Variants in CCSER1 observed in about 807,000 individuals in gnomAD.
CCSER1 encodes the protein serine-rich coiled-coil domain-containing protein 1.
Under a neutral mutation model 82.0 loss-of-function variants are expected in CCSER1, and 41 were observed. That is an observed-to-expected ratio of 0.50 (90% confidence interval 0.39 to 0.65). The LOEUF (loss-of-function observed/expected upper bound fraction) is 0.65, where lower values mean the gene tolerates loss of function less well. Among genes scored for constraint, CCSER1 ranks in the 30% least tolerant of loss-of-function variants. The pLI, the probability that CCSER1 is intolerant of heterozygous loss-of-function variation, is 0.00. For missense variants in CCSER1, 1,119 were observed against 1,064.2 expected (o/e 1.05, Z -0.72); for synonymous variants, 414 against 383.9 (o/e 1.08, Z -0.92).
intron 3 of CCSER1, among the ~76,000 whole-genome samples, chr4:90,352,379 A>G (rs767225669): frequency 2.0e-5 from 3 of 151,884 alleles, no homozygotes; most frequent in Non-Finnish European, 4.4e-5. Flanking sequence ...AAATACAGAG[A>G]TTGGCCAGGC....
intron 8 of CCSER1, among the ~76,000 whole-genome samples, chr4:90,913,040 T>G (rs905113487): frequency 6.6e-6 from 1 of 152,016 alleles, no homozygotes; most frequent in African/African-American, 2.4e-5. Flanking sequence ...ACGGGGAGAA[T>G]GGAACCAAGT....
intron 8 of CCSER1, among the ~76,000 whole-genome samples, chr4:90,844,233 AAG>A: frequency 6.6e-6 from 1 of 151,566 alleles, no homozygotes; most frequent in Admixed American, 6.7e-5. Flanking sequence ...GAGAGAGAGA[AAG>A]AGAGGAAGAC....
At chr4:91,080,867 G>A (rs2148799742) in intron 9 of CCSER1, among the ~76,000 whole-genome samples, 2 of 152,108 alleles carry the variant, frequency 1.3e-5, no homozygotes, top group South Asian at 4.1e-4. Flanking sequence ...ACTAAAGCAG[G>A]AAGAAGTTGA....
intron 9 of CCSER1, among the ~76,000 whole-genome samples, chr4:91,020,554 C>G (rs1053330918): frequency 6.6e-6 from 1 of 151,682 alleles, no homozygotes; most frequent in African/African-American, 2.4e-5. Context: ...CCCAGTTACT[C>G]GGGAGGCTGA....
intron 9 of CCSER1, among the ~76,000 whole-genome samples, chr4:90,978,801 T>C (rs1735842346): frequency 6.6e-6 from 1 of 151,798 alleles, no homozygotes; most frequent in East Asian, 1.9e-4. Flanking sequence ...GAATTGTTTA[T>C]GTGATAGTCT....
In CCSER1 at chr4:91,216,421, G is replaced by A. The variant is rs147988115; in HGVS notation, c.2217+130427G>A. Among the ~76,000 whole-genome samples the A allele has an allele frequency of 2.8e-3, 429 of 152,196 alleles. 7 individuals carry two copies. The highest frequency in any genetic ancestry group is 0.027 in the East Asian group (139 of 5,142). On this transcript the variant is annotated intron_variant, in intron 10 of 10. Coordinates refer to ENST00000509176, the MANE Select transcript of CCSER1 (RefSeq NM_001145065.2). ...TGCAAGCTCTGCCTCCTGGGTTCAC[G>A]CCATTCTCCTGCCTCAGCCTCCCGA...
intron 3 of CCSER1, among the ~76,000 whole-genome samples, chr4:90,394,114 A>G (rs1263140380): frequency 6.9e-6 from 1 of 144,832 alleles, no homozygotes; most frequent in African/African-American, 2.5e-5. Flanking sequence ...TTTTTTTTTC[A>G]ATTCTGTAGC....
At chr4:91,076,062 T>G (rs767502736) in intron 9 of CCSER1, among the ~76,000 whole-genome samples, 43 of 152,166 alleles carry the variant, frequency 2.8e-4, no homozygotes, top group African/African-American at 8.9e-4. Flanking sequence ...ATCATAGAAT[T>G]AATGAATCTT....
intron 5 of CCSER1, among the ~76,000 whole-genome samples, chr4:90,490,292 A>C (rs956575844): frequency 6.6e-6 from 1 of 151,984 alleles, no homozygotes; most frequent in Non-Finnish European, 1.5e-5. Flanking sequence ...GCATTTTTTC[A>C]TGTGTCTTTT....
In CCSER1 at chr4:90,924,556, T is replaced by C. The variant is rs1404064045; in HGVS notation, c.2172+1109T>C. 2.0e-5 allele frequency among the ~76,000 whole-genome samples: 3 copies of C among 152,350 alleles called. No individual in the cohort carries two copies. The East Asian group carries it at 5.8e-4, about 29-fold the overall frequency. ...ATCTAAATTCTAGATCTCAATTTTG[T>C]AACTGAAATGCTTCTAGCAGTGTTG... On this transcript the variant is annotated intron_variant, in intron 9 of 10. Coordinates refer to ENST00000509176, the MANE Select transcript of CCSER1 (RefSeq NM_001145065.2).
At chr4:90,322,122 A>G (rs1224365309) in intron 3 of CCSER1, among the ~76,000 whole-genome samples, 1 of 152,100 alleles carries the variant, frequency 6.6e-6, no homozygotes, top group Non-Finnish European at 1.5e-5. Flanking sequence ...GAGGTCTTAG[A>G]TTTAAGTGTT....
intron 10 of CCSER1, among the ~76,000 whole-genome samples, chr4:91,170,023 C>G (rs560053569): frequency 2.0e-5 from 3 of 152,270 alleles, no homozygotes; most frequent in East Asian, 1.9e-4. Context: ...ACTGACTGAC[C>G]TGTGTCCTTT....
chr4:90,964,552 G>A (rs1261203290), intron 9 of CCSER1, among the ~76,000 whole-genome samples: 3 of 151,466 alleles, frequency 2.0e-5, no homozygotes, highest in Admixed American at 6.6e-5. Context: ...GGTGGAACCC[G>A]TCTCTACTAA....
At chr4:91,207,075 AAAC>A (rs1274687049) in intron 10 of CCSER1, among the ~76,000 whole-genome samples, 2 of 152,010 alleles carry the variant, frequency 1.3e-5, no homozygotes, top group Non-Finnish European at 1.5e-5. Context: ...TAAATAAAGG[AAAC>A]AACGTTATGT....
intron 10 of CCSER1, among the ~76,000 whole-genome samples, chr4:91,260,127 G>T (rs1374108440): frequency 6.6e-6 from 1 of 152,016 alleles, no homozygotes; most frequent in East Asian, 1.9e-4. Flanking sequence ...TATATAGCTG[G>T]GTGCTTATAA....
chr4:90,612,327 G>A (rs1785627089), intron 5 of CCSER1, among the ~76,000 whole-genome samples: 1 of 152,040 alleles, frequency 6.6e-6, no homozygotes, highest in Non-Finnish European at 1.5e-5. Context: ...TAATTCAGTA[G>A]GACAGGGTAT....
chr4:90,453,931 T>C (rs1442042546), intron 4 of CCSER1, among the ~76,000 whole-genome samples: 1 of 152,140 alleles, frequency 6.6e-6, no homozygotes, highest in Non-Finnish European at 1.5e-5. Flanking sequence ...AATGTAATGG[T>C]GGTCTGGACC....
At chr4:91,373,472 T>G (rs572299005) in intron 10 of CCSER1, among the ~76,000 whole-genome samples, 2 of 152,318 alleles carry the variant, frequency 1.3e-5, no homozygotes, top group South Asian at 4.1e-4. Context: ...ATCAGCAATC[T>G]TTGATGCTAC....
chr4:90,453,351 C>T (rs1761737333), intron 4 of CCSER1, among the ~76,000 whole-genome samples: 1 of 152,202 alleles, frequency 6.6e-6, no homozygotes, highest in South Asian at 2.1e-4. Context: ...AGACCAGTCT[C>T]CATTCCCTGT....
Sources: allele counts gnomAD v4.1 joint callset (sites outside exome capture counted in the v4.1 genomes callset), GRCh38; gene constraint gnomAD v4.1.1; transcripts MANE v1.5; gene names NCBI Gene and HGNC (gene_info 2026-07-23, HGNC 2026-07-21).